MPZL1: variants seen among roughly 807,000 people sequenced by gnomAD.
MPZL1 encodes the protein myelin protein zero like 1.
MPZL1 carries 16 observed loss-of-function variants against 29.3 expected under a neutral mutation model. That is an observed-to-expected ratio of 0.55 (90% CI 0.37 to 0.83). The LOEUF is 0.83. MPZL1 is among the 40% of genes least tolerant of loss of function. The pLI is 0.00. For missense variants in MPZL1, 279 were observed against 332.9 expected (o/e 0.84, Z 1.26); for synonymous variants, 143 against 132.0 (o/e 1.08, Z -0.57).
intron 5 of MPZL1, among the ~76,000 whole-genome samples, chr1:167,779,204 G>A (rs991733295): frequency 4.6e-5 from 7 of 152,088 alleles, no homozygotes; most frequent in Middle Eastern, 3.4e-3. Context: ...ATTAGAATCC[G>A]AGAAGAAAAA....
rs571079577 is a variant in MPZL1 at position 167,785,995 on chromosome 1, G to A, written c.709-1825G>A. On this transcript the variant is annotated intron_variant, in intron 5 of 5. Coordinates refer to ENST00000359523, the MANE Select transcript of MPZL1 (RefSeq NM_003953.6). Reference sequence around the variant, plus strand: ...TTTTTAGTAGAGACGGGGTTTCACCGTGTTAGCAAGGATGGTCTCGATCTC... The same window carrying A: ...TTTTTAGTAGAGACGGGGTTTCACCATGTTAGCAAGGATGGTCTCGATCTC... Among the ~76,000 whole-genome samples the A allele has an allele frequency of 1.9e-3, 290 of 152,150 alleles. 3 individuals are homozygous for A. Among genetic ancestry groups the A allele is most frequent in the South Asian group, 6.9e-3 (33 of 4,814 alleles).
chr1:167,779,575 A>T (rs1282956912), intron 5 of MPZL1, among the ~76,000 whole-genome samples: 3 of 151,106 alleles, frequency 2.0e-5, no homozygotes, highest in African/African-American at 7.4e-5. Context: ...ACAGAGTGAG[A>T]CTCCATCTCA....
chr1:167,757,654 A>G (rs1660894734), intron 1 of MPZL1, among the ~76,000 whole-genome samples: 2 of 152,196 alleles, frequency 1.3e-5, no homozygotes, highest in South Asian at 4.1e-4. Context: ...ATTTATGCTT[A>G]TTAGGAGATA....
intron 5 of MPZL1, among the ~76,000 whole-genome samples, chr1:167,780,547 T>C (rs1661476705): frequency 6.6e-6 from 1 of 152,194 alleles, no homozygotes; most frequent in South Asian, 2.1e-4. Flanking sequence ...ATATACACAA[T>C]GGAATATTAT....
rs749981310 is a variant in MPZL1, at chr1:167,765,649, A to G, written c.158A>G (p.Gln53Arg). Residue 53 changes from glutamine to arginine, a missense_variant, in exon 2 of 6, where the codon CAA (glutamine) becomes CGA (arginine). Physicochemically the swap from Gln to Arg is conservative, Grantham distance 43. Coordinates refer to ENST00000359523, the MANE Select transcript of MPZL1 (RefSeq NM_003953.6). The stretch of plus-strand genomic sequence containing the variant: ...GAAATCTTCGTGGCAAATGGTACAC[A>G]AGGGAAGCTGACCTGCAAGTTCAAG... ...PKEIFVANGT[Q>R]GKLTCKFKST... The G allele has an allele frequency of 5.6e-6, 9 of 1,613,480 alleles. No homozygotes were observed. The highest frequency in any genetic ancestry group is 7.6e-6 in the Non-Finnish European group (9 of 1,179,708).
chr1:167,759,064 AAC>A (rs1286138586), intron 1 of MPZL1, among the ~76,000 whole-genome samples: 1 of 152,208 alleles, frequency 6.6e-6, no homozygotes. Context: ...TTCAGGAATC[AAC>A]AGACTTTTTT....
At chr1:167,727,026 A>G (rs977215303) in intron 1 of MPZL1, among the ~76,000 whole-genome samples, 1 of 152,196 alleles carries the variant, frequency 6.6e-6, no homozygotes, top group Non-Finnish European at 1.5e-5. Context: ...TGATTGATCT[A>G]ATATGAAAAT....
chr1:167,745,477 C>A (rs1006461072), intron 1 of MPZL1, among the ~76,000 whole-genome samples: 4 of 152,006 alleles, frequency 2.6e-5, no homozygotes, highest in African/African-American at 4.8e-5. Context: ...AAATACTTAA[C>A]ATCTCTATTT....
chr1:167,769,789 G>A (rs1330745411), intron 2 of MPZL1, among the ~76,000 whole-genome samples: 2 of 152,146 alleles, frequency 1.3e-5, no homozygotes, highest in African/African-American at 4.8e-5. Context: ...GGAAGATGAT[G>A]AGTTAGACAT....
chr1:167,730,392 C>A (rs1234395654), intron 1 of MPZL1, among the ~76,000 whole-genome samples: 1 of 152,144 alleles, frequency 6.6e-6, no homozygotes, highest in Non-Finnish European at 1.5e-5. Context: ...GATTCTCCCA[C>A]CTCAGCCTTC....
intron 3 of MPZL1, among the ~76,000 whole-genome samples, chr1:167,772,811 G>C (rs948753488): frequency 6.6e-6 from 1 of 152,234 alleles, no homozygotes; most frequent in Admixed American, 6.5e-5. Context: ...TGGGCAGTGG[G>C]AAAGAAGGAG....
At chr1:167,736,321 C>T (rs1328575236) in intron 1 of MPZL1, among the ~76,000 whole-genome samples, 1 of 152,168 alleles carries the variant, frequency 6.6e-6, no homozygotes, top group Non-Finnish European at 1.5e-5. Context: ...CAGCTATAGG[C>T]ATTCAATACG....
chr1:167,750,263 C>T (rs1052724625), intron 1 of MPZL1, among the ~76,000 whole-genome samples: 41 of 151,934 alleles, frequency 2.7e-4, no homozygotes, highest in Non-Finnish European at 5.3e-4. Context: ...TGCAATGCCG[C>T]GATCTCAGCT....
intron 1 of MPZL1, among the ~76,000 whole-genome samples, chr1:167,764,363 A>T (rs1175894713): frequency 1.3e-5 from 2 of 152,218 alleles, no homozygotes; most frequent in Admixed American, 1.3e-4. Context: ...TAAGTGGTAG[A>T]CACATTTCAA....
rs1426679019 is a variant in MPZL1, at chr1:167,789,029, A to G, written c.*1108A>G. On this transcript the variant is annotated 3_prime_UTR_variant, in exon 6 of 6. Coordinates refer to ENST00000359523, the MANE Select transcript of MPZL1 (RefSeq NM_003953.6). ...GCAGCTGGCAAGAATCACCTTCTTT[A>G]TAAAGCGTCAGTCATGCTTCCAGCA... The G allele has an allele frequency of 4.6e-5, 7 of 152,020 alleles. No homozygotes were observed. Among genetic ancestry groups the G allele is most frequent in the Non-Finnish European group, 7.4e-5 (5 of 68,002 alleles). The allele number at this position is 152,020 out of a possible 1,614,324, so 9.4% of individuals were successfully genotyped here. A position where few individuals can be genotyped will look rare whatever the true frequency, so the allele number is the denominator to read the frequency against.
chr1:167,780,144 TACTC>T (rs139670523), intron 5 of MPZL1, among the ~76,000 whole-genome samples: 5,424 of 152,232 alleles, frequency 0.036, 139 homozygotes, highest in Middle Eastern at 0.1. Context: ...CATTTCAAAA[TACTC>T]AGTTAATCCA....
At chr1:167,772,647 T>C (rs1249027633) in intron 3 of MPZL1, among the ~76,000 whole-genome samples, 159 bp downstream of exon 3, 1 of 152,214 alleles carries the variant, frequency 6.6e-6, no homozygotes, top group Non-Finnish European at 1.5e-5. Flanking sequence ...CCAAACACAC[T>C]TGGAGCTGGG....
chr1:167,787,631 G>A (rs75235343), intron 5 of MPZL1, among the ~76,000 whole-genome samples, 189 bp from the exon 6 acceptor site: 6 of 152,150 alleles, frequency 3.9e-5, no homozygotes, highest in African/African-American at 9.7e-5. Flanking sequence ...TATTGTCAAC[G>A]TATGTCCAAT....
In MPZL1 at chr1:167,790,312, AC is replaced by A. The variant is rs1169467216; in HGVS notation, c.*2393del. 1 of 152,350 alleles carries A rather than the reference AC, an allele frequency of 6.6e-6. No homozygotes were observed. Among genetic ancestry groups the A allele is most frequent in the African/African-American group, 2.4e-5 (1 of 41,434 alleles). 9.4% of individuals were successfully genotyped at this position (152,350 alleles called of 1,614,324 possible). ...GCCCGACTTCTTGGCCTCCTGCCCA[AC>A]CAGACACCTCAAACTCTGTCAGTGC... On this transcript the variant is annotated 3_prime_UTR_variant, in exon 6 of 6. Transcript: ENST00000359523.
Sources: allele counts gnomAD v4.1 joint callset (sites outside exome capture counted in the v4.1 genomes callset), GRCh38; gene constraint gnomAD v4.1.1; transcripts MANE v1.5; gene names NCBI Gene and HGNC (gene_info 2026-07-23, HGNC 2026-07-21).